Variants in AKIRIN1 observed in about 807,000 individuals in gnomAD.
AKIRIN1 encodes akirin-1.
A neutral mutation model predicts 25.9 loss-of-function variants in AKIRIN1; 4 were observed. That is an observed-to-expected ratio of 0.15 (90% CI 0.08 to 0.35). The LOEUF is 0.35. AKIRIN1 is among the 10% of genes least tolerant of loss of function. The pLI is 1.00. For synonymous variants in AKIRIN1, 125 were observed against 105.1 expected (o/e 1.19, Z -1.16); for missense variants, 243 against 266.1 (o/e 0.91, Z 0.61).
At chr1:39,001,376 G>C (rs1467418559) in intron 3 of AKIRIN1, among the ~76,000 whole-genome samples, 5 of 146,726 alleles carry the variant, frequency 3.4e-5, no homozygotes, top group Non-Finnish European at 7.4e-5. Context: ...CGATTCTCCT[G>C]CCTCAGCCTC....
chr1:38,998,061 G>A, intron 1 of AKIRIN1, 110 bp from the exon 2 acceptor site: 1 of 1,213,126 alleles, frequency 8.2e-7, no homozygotes, highest in African/African-American at 1.5e-5. Flanking sequence ...ACATGCCAAA[G>A]GGAGTATCTA....
chr1:38,997,190 T>A (rs962019560), intron 1 of AKIRIN1, among the ~76,000 whole-genome samples: 1 of 152,204 alleles, frequency 6.6e-6, no homozygotes, highest in Non-Finnish European at 1.5e-5. Flanking sequence ...TCTCTTTTTT[T>A]AAATTAGTAG....
At chr1:38,995,752 G>T (rs1218025054) in intron 1 of AKIRIN1, among the ~76,000 whole-genome samples, 1 of 152,200 alleles carries the variant, frequency 6.6e-6, no homozygotes, top group Non-Finnish European at 1.5e-5. Flanking sequence ...TAAAATACAG[G>T]GGGCTAGCGG....
At chr1:39,002,978 T>G (rs1317565017) in intron 3 of AKIRIN1, among the ~76,000 whole-genome samples, 1 of 152,224 alleles carries the variant, frequency 6.6e-6, no homozygotes, top group Non-Finnish European at 1.5e-5. Context: ...CAATGTGTGT[T>G]GAAATTTATA....
At chr1:39,002,844 C>T (rs1644004554) in intron 3 of AKIRIN1, among the ~76,000 whole-genome samples, 1 of 152,202 alleles carries the variant, frequency 6.6e-6, no homozygotes, top group Admixed American at 6.5e-5. Context: ...AGGCTACCTT[C>T]TTCCTTTCTA....
At chr1:38,999,084 T>G (rs1199223796) in intron 2 of AKIRIN1, among the ~76,000 whole-genome samples, 1 of 152,206 alleles carries the variant, frequency 6.6e-6, no homozygotes, top group Non-Finnish European at 1.5e-5. Flanking sequence ...TTGGAGACAG[T>G]CTTCATGGTC....
chr1:38,998,362 C>T lies in AKIRIN1; in HGVS notation c.361+51C>T, dbSNP rs1317643389. On this transcript the variant is annotated intron_variant, in intron 2 of 4. Coordinates refer to ENST00000432648, the MANE Select transcript of AKIRIN1 (RefSeq NM_024595.3). The stretch of plus-strand genomic sequence containing the variant: ...TCGCATTAAGAGTTTGTAAATGGTA[C>T]TTATAATGATGAATCTAGAATTGGC... 3 of 1,534,110 alleles carry T rather than the reference C, an allele frequency of 2.0e-6. No homozygotes were observed. In the South Asian group the frequency reaches 3.7e-5, roughly 19 times the overall value.
chr1:38,997,537 G>A (rs1348819767), intron 1 of AKIRIN1, among the ~76,000 whole-genome samples: 2 of 152,002 alleles, frequency 1.3e-5, no homozygotes, highest in African/African-American at 4.8e-5. Flanking sequence ...GCTCCCTTGT[G>A]GTTTTTTTTT....
chr1:38,991,315 G>T lies in AKIRIN1; in HGVS notation c.-66G>T. ...TGGAGCCGGCTTGGCTGGCGAGCCC[G>T]GCTGAGGAGCCTCTTGGGCCGCACT... On this transcript the variant is annotated 5_prime_UTR_variant, in exon 1 of 5. Coordinates refer to ENST00000432648, the MANE Select transcript of AKIRIN1 (RefSeq NM_024595.3). The T allele has an allele frequency of 7.8e-7, 1 of 1,279,614 alleles. No individual in the cohort carries two copies. The highest frequency in any genetic ancestry group is 3.2e-5 in the East Asian group (1 of 31,618). The allele number at this position is 1,279,614 out of a possible 1,614,324, so 79.3% of individuals were successfully genotyped here.
chr1:38,992,096 G>A (rs949000558), intron 1 of AKIRIN1, among the ~76,000 whole-genome samples: 2 of 152,202 alleles, frequency 1.3e-5, no homozygotes, highest in African/African-American at 4.8e-5. Context: ...TAGGAACCCA[G>A]AGGCCGCCGC....
intron 1 of AKIRIN1, among the ~76,000 whole-genome samples, chr1:38,995,571 A>G (rs1038608555): frequency 6.6e-6 from 1 of 152,228 alleles, no homozygotes; most frequent in Admixed American, 6.5e-5. Context: ...TCTTAGTCCT[A>G]CCACCCTCAA....
At chr1:38,992,355 T>C (rs1643912896) in intron 1 of AKIRIN1, among the ~76,000 whole-genome samples, 1 of 152,118 alleles carries the variant, frequency 6.6e-6, no homozygotes, top group African/African-American at 2.4e-5. Context: ...AGACACCTCA[T>C]AGCGCAGGAG....
At position 39,004,575 on chromosome 1, in the gene AKIRIN1, G is replaced by C; in HGVS notation, c.*520G>C. The C allele has an allele frequency of 4.7e-6, 1 of 213,046 alleles. No homozygotes were observed. Among genetic ancestry groups the C allele is most frequent in the Non-Finnish European group, 9.5e-6 (1 of 104,724 alleles). 13.2% of individuals were successfully genotyped at this position (213,046 alleles called of 1,614,324 possible). On this transcript the variant is annotated 3_prime_UTR_variant, in exon 5 of 5. Transcript: ENST00000432648. ...ACCATACAAGTTGTAACAGTGGATTGTTTTTATGTGTAGGTATTGTTAAAT... is the reference window on the plus strand; with the variant it reads ...ACCATACAAGTTGTAACAGTGGATTCTTTTTATGTGTAGGTATTGTTAAAT...
chr1:39,004,685 C>T lies in AKIRIN1; in HGVS notation c.*630C>T, dbSNP rs1382771381. 2.5e-5 allele frequency: 4 copies of T among 162,136 alleles called. No homozygotes were observed. The highest frequency in any genetic ancestry group is 6.2e-5 in the Admixed American group (1 of 16,118). 10.0% of individuals were successfully genotyped at this position (162,136 alleles called of 1,614,324 possible). ...ATTATGATGATAAAGCGAAGGTCTG[C>T]GGTCCTATATCTACAGACACGTGGT... On this transcript the variant is annotated 3_prime_UTR_variant, in exon 5 of 5. Transcript: ENST00000432648.
intron 1 of AKIRIN1, among the ~76,000 whole-genome samples, chr1:38,994,018 C>T (rs1444479578): frequency 1.3e-5 from 2 of 150,474 alleles, no homozygotes; most frequent in African/African-American, 4.9e-5. Flanking sequence ...TGCGGTAAGC[C>T]GAGATCCGGC....
Position 39,004,176 on chromosome 1 carries a change from T to C in AKIRIN1, c.*121T>C. 2 of 1,087,004 alleles carry C rather than the reference T, an allele frequency of 1.8e-6. No individual in the cohort carries two copies. Among genetic ancestry groups the C allele is most frequent in the Non-Finnish European group, 2.9e-6 (2 of 701,690 alleles). 67.3% of individuals were successfully genotyped at this position (1,087,004 alleles called of 1,614,324 possible). ...TTGCATCCTGAGAACACTTAAACGT[T>C]TCTGCAGGTCCATTTTATACAACTT... On this transcript the variant is annotated 3_prime_UTR_variant, in exon 5 of 5. Transcript: ENST00000432648.
At chr1:38,991,967 T>C (rs1205372815) in intron 1 of AKIRIN1, among the ~76,000 whole-genome samples, 2 of 147,650 alleles carry the variant, frequency 1.4e-5, no homozygotes, top group Non-Finnish European at 1.5e-5. Flanking sequence ...CCATGGAAAA[T>C]TGGATTCTAC....
At chr1:38,995,165 C>T (rs1330140087) in intron 1 of AKIRIN1, among the ~76,000 whole-genome samples, 2 of 152,202 alleles carry the variant, frequency 1.3e-5, no homozygotes, top group Non-Finnish European at 2.9e-5. Context: ...AGTCCCATTT[C>T]GAGCACAGGG....
At chr1:38,996,504 A>G (rs1221037184) in intron 1 of AKIRIN1, among the ~76,000 whole-genome samples, 1 of 151,450 alleles carries the variant, frequency 6.6e-6, no homozygotes, top group African/African-American at 2.4e-5. Flanking sequence ...TGCCTGGCCC[A>G]TAGCACTCTT....
Sources: allele counts gnomAD v4.1 joint callset (sites outside exome capture counted in the v4.1 genomes callset), GRCh38; gene constraint gnomAD v4.1.1; transcripts MANE v1.5; gene names NCBI Gene and HGNC (gene_info 2026-07-23, HGNC 2026-07-21).